FAXC: variants seen among roughly 807,000 people sequenced by gnomAD.
FAXC encodes failed axon connections homolog.
Under a neutral mutation model 41.9 loss-of-function variants are expected in FAXC, and 10 were observed. That is an observed-to-expected ratio of 0.24 (90% CI 0.15 to 0.41). The LOEUF is 0.41. Among genes scored for constraint, FAXC ranks in the 10% least tolerant of loss-of-function variants. The pLI is 1.00. For missense variants in FAXC, 399 were observed against 510.9 expected (o/e 0.78, Z 2.11); for synonymous variants, 183 against 183.8 (o/e 1.00, Z 0.03).
chr6:99,349,089 GC>G lies in FAXC; in HGVS notation c.266+17del. The G allele has an allele frequency of 6.2e-7, 1 of 1,611,636 alleles. No individual in the cohort carries two copies. Among genetic ancestry groups the G allele is most frequent in the Admixed American group, 1.7e-5 (1 of 59,990 alleles). ...GCCCCTCTCTGCGCCCCTGTGCGGG[GC>G]CCTCTCTCCGGCTCACCTAATGACC... On this transcript the variant is annotated intron_variant, in intron 1 of 5. Transcript: ENST00000389677.
chr6:99,337,627 G>C (rs566764554), intron 2 of FAXC, among the ~76,000 whole-genome samples: 1 of 151,986 alleles, frequency 6.6e-6, no homozygotes, highest in Non-Finnish European at 1.5e-5. Flanking sequence ...AGCTATTTTT[G>C]TGTTTTTTAA....
At chr6:99,294,138 A>G (rs1319776668) in intron 4 of FAXC, among the ~76,000 whole-genome samples, 6 of 152,226 alleles carry the variant, frequency 3.9e-5, no homozygotes, top group Non-Finnish European at 8.8e-5. Flanking sequence ...TAGAGTTCTT[A>G]GCTATTTCCT....
intron 3 of FAXC, 151 bp from the exon 4 acceptor site, chr6:99,323,818 C>G: frequency 1.6e-6 from 1 of 636,134 alleles, no homozygotes; most frequent in Non-Finnish European, 2.8e-6. Context: ...TGGCAGCTAT[C>G]ACAACAGGCT....
At chr6:99,312,511 A>C (rs1330868562) in intron 4 of FAXC, among the ~76,000 whole-genome samples, 1 of 152,212 alleles carries the variant, frequency 6.6e-6, no homozygotes, top group African/African-American at 2.4e-5. Context: ...AAGATACACC[A>C]ACTTATACAT....
At chr6:99,342,811 T>G (rs993245301) in intron 2 of FAXC, 87 bp downstream of exon 2, 20 of 1,328,494 alleles carry the variant, frequency 1.5e-5, no homozygotes, top group Middle Eastern at 2.6e-4. Context: ...GCATCCACTG[T>G]GTGAGACGAA....
chr6:99,300,677 C>T (rs969706857), intron 4 of FAXC, among the ~76,000 whole-genome samples: 11 of 152,208 alleles, frequency 7.2e-5, no homozygotes, highest in African/African-American at 2.7e-4. Flanking sequence ...TCACTCAATT[C>T]AAACTGCATT....
intron 3 of FAXC, among the ~76,000 whole-genome samples, chr6:99,332,047 G>A (rs935824646): frequency 6.6e-6 from 1 of 152,152 alleles, no homozygotes; most frequent in Non-Finnish European, 1.5e-5. Flanking sequence ...CCTGTCTCCA[G>A]CCTCTCCCCA....
At chr6:99,309,484 T>C (rs973634083) in intron 4 of FAXC, among the ~76,000 whole-genome samples, 3 of 152,232 alleles carry the variant, frequency 2.0e-5, no homozygotes, top group African/African-American at 7.2e-5. Context: ...AACATAGTTT[T>C]ACCAATTCAG....
rs757255549 is a variant in FAXC at position 99,278,227 on chromosome 6, G to T, written c.*2937C>A. On this transcript the variant is annotated 3_prime_UTR_variant, in exon 6 of 6. Transcript: ENST00000389677. ...GTTCATCATTGCATAAATATAGATT[G>T]TCCTTATATCTGTTCTGATGGAGAG... 1.3e-5 allele frequency: 2 copies of T among 152,302 alleles called. No homozygotes were observed. Among genetic ancestry groups the T allele is most frequent in the Middle Eastern group, 3.4e-3 (1 of 294 alleles). The allele number at this position is 152,302 out of a possible 1,614,324, so 9.4% of individuals were successfully genotyped here.
chr6:99,311,914 T>C (rs1387539011), intron 4 of FAXC, among the ~76,000 whole-genome samples: 2 of 152,216 alleles, frequency 1.3e-5, no homozygotes, highest in Admixed American at 6.5e-5. Flanking sequence ...CACTTTTAAG[T>C]ATTTGAAAAA....
chr6:99,315,248 AAAAAAAAAAAAAAAC>A (rs933391509), intron 4 of FAXC, among the ~76,000 whole-genome samples: 7 of 134,904 alleles, frequency 5.2e-5, no homozygotes, highest in East Asian at 4.2e-4. Flanking sequence ...AAAAAAAAAA[AAAAAAAAAAAAAAAC>A]CAGTAAATGT....
At chr6:99,284,978 T>C (rs929594166) in intron 5 of FAXC, among the ~76,000 whole-genome samples, 2 of 151,598 alleles carry the variant, frequency 1.3e-5, no homozygotes, top group African/African-American at 4.9e-5. Flanking sequence ...CTGCATTTCT[T>C]CAAAGTGTAC....
intron 4 of FAXC, among the ~76,000 whole-genome samples, chr6:99,321,109 C>A (rs1338926054): frequency 3.3e-5 from 5 of 152,158 alleles, no homozygotes; most frequent in African/African-American, 7.2e-5. Flanking sequence ...CTTTGCCTCT[C>A]CTGGTTTACA....
chr6:99,319,853 T>G (rs571618021), intron 4 of FAXC, among the ~76,000 whole-genome samples: 1 of 152,234 alleles, frequency 6.6e-6, no homozygotes, highest in Non-Finnish European at 1.5e-5. Flanking sequence ...CTTGTTTACA[T>G]GTTAGCTTTG....
intron 2 of FAXC, among the ~76,000 whole-genome samples, chr6:99,340,958 C>T (rs1025176330): frequency 1.3e-5 from 2 of 152,022 alleles, no homozygotes; most frequent in Non-Finnish European, 2.9e-5. Context: ...CGTGAGCCAC[C>T]GTGCCCGGCC....
At chr6:99,308,200 G>A (rs149217670) in intron 4 of FAXC, among the ~76,000 whole-genome samples, 2,117 of 152,288 alleles carry the variant, frequency 0.014, 24 homozygotes, top group Middle Eastern at 0.051. Flanking sequence ...GGGAGGCTGA[G>A]GCAGGAGAAT....
intron 2 of FAXC, among the ~76,000 whole-genome samples, chr6:99,339,252 A>G (rs1352866547): frequency 2.6e-5 from 4 of 152,204 alleles, no homozygotes. Flanking sequence ...TTGGTGCTTT[A>G]TAAGAGTCTA....
intron 4 of FAXC, among the ~76,000 whole-genome samples, chr6:99,323,119 G>T (rs1772649576): frequency 6.6e-6 from 1 of 152,166 alleles, no homozygotes; most frequent in African/African-American, 2.4e-5. Context: ...AAACCAAAGT[G>T]CTTCCTTGCT....
rs755398140 is a variant in FAXC, at chr6:99,323,680, G to A, written c.600-13C>T. 2 of 1,603,906 alleles carry A rather than the reference G, an allele frequency of 1.2e-6. No individual in the cohort carries two copies. The highest frequency in any genetic ancestry group is 2.7e-5 in the African/African-American group (2 of 74,628). On this transcript the variant is annotated splice_polypyrimidine_tract_variant and intron_variant, in intron 3 of 5. Transcript: ENST00000389677. Reference sequence around the variant, plus strand: ...ATAAGCTAATGTCCTGGAATTGTGTGGAAACAAGTTACTACTGTGCATCAG... The same window carrying A: ...ATAAGCTAATGTCCTGGAATTGTGTAGAAACAAGTTACTACTGTGCATCAG...
Sources: allele counts gnomAD v4.1 joint callset (sites outside exome capture counted in the v4.1 genomes callset), GRCh38; gene constraint gnomAD v4.1.1; transcripts MANE v1.5; gene names NCBI Gene and HGNC (gene_info 2026-07-23, HGNC 2026-07-21).